TMEM132D: variants seen among roughly 807,000 people sequenced by gnomAD.
TMEM132D encodes transmembrane protein 132D, also known as mature OL transmembrane protein.
TMEM132D carries 21 observed loss-of-function variants against 62.3 expected under a neutral mutation model. The observed-to-expected ratio is 0.34, with a 90% CI of 0.24 to 0.49. TMEM132D has a LOEUF of 0.49. TMEM132D is among the 20% of genes least tolerant of loss of function. TMEM132D has a pLI of 0.99. For synonymous variants in TMEM132D, 621 were observed against 575.6 expected (o/e 1.08, Z -1.13); for missense variants, 1,346 against 1,402.8 (o/e 0.96, Z 0.65).
intron 2 of TMEM132D, among the ~76,000 whole-genome samples, chr12:129,610,048 T>A (rs1333631906): frequency 6.6e-6 from 1 of 152,088 alleles, no homozygotes; most frequent in African/African-American, 2.4e-5. Flanking sequence ...GGCAGGAGAA[T>A]CATCTGAGGT....
rs907461232 is a variant in TMEM132D, at chr12:129,699,977, G to T, written c.801C>A (p.Ile267=). The part of the protein sequence containing the change: ...IDESGPPLQR[I]GSIFLYQTHR... Reference sequence around the variant, plus strand: ...GTGTCTGATAAAGGAAGATGCTCCCGATCCTCTGCAAGGGGGGCCCGGACT... The same window carrying T: ...GTGTCTGATAAAGGAAGATGCTCCCTATCCTCTGCAAGGGGGGCCCGGACT... The change falls in exon 2 of 9, where the codon ATC becomes ATA. Residue 267 remains isoleucine (I), a synonymous_variant. Coordinates refer to ENST00000422113, the MANE Select transcript of TMEM132D (RefSeq NM_133448.3). 6.2e-7 allele frequency: 1 copy of T among 1,614,092 alleles called. No homozygotes were observed. Among genetic ancestry groups the T allele is most frequent in the Non-Finnish European group, 8.5e-7 (1 of 1,180,034 alleles).
At chr12:129,353,104 TC>T (rs1869922638) in intron 3 of TMEM132D, among the ~76,000 whole-genome samples, 2 of 79,684 alleles carry the variant, frequency 2.5e-5, no homozygotes, top group Non-Finnish European at 5.1e-5. Context: ...CCTCCCTCCC[TC>T]CCTGCCTCCC....
chr12:129,087,924 CCGGGT>C (rs1238291145), intron 5 of TMEM132D, among the ~76,000 whole-genome samples: 1 of 108,950 alleles, frequency 9.2e-6, no homozygotes, highest in Non-Finnish European at 1.9e-5. Flanking sequence ...TCCTCCCTGA[CCGGGT>C]GTCCTCCATG....
chr12:129,839,558 C>A (rs1245206760), intron 1 of TMEM132D, among the ~76,000 whole-genome samples: 1 of 152,118 alleles, frequency 6.6e-6, no homozygotes, highest in African/African-American at 2.4e-5. Flanking sequence ...CCACTGTGCC[C>A]GGCCTTAAAC....
intron 5 of TMEM132D, among the ~76,000 whole-genome samples, chr12:129,106,589 G>C (rs1276286847): frequency 1.3e-5 from 2 of 152,124 alleles, no homozygotes; most frequent in Non-Finnish European, 2.9e-5. Flanking sequence ...CACCATACCT[G>C]AAAGACGTTT....
At chr12:129,468,197 G>C (rs1195073194) in intron 3 of TMEM132D, among the ~76,000 whole-genome samples, 2 of 151,940 alleles carry the variant, frequency 1.3e-5, no homozygotes, top group African/African-American at 2.4e-5. Flanking sequence ...GTGTGTGTGT[G>C]TGTGTGTTTT....
At chr12:129,456,061 G>A (rs1873455443) in intron 3 of TMEM132D, among the ~76,000 whole-genome samples, 1 of 152,094 alleles carries the variant, frequency 6.6e-6, no homozygotes, top group Non-Finnish European at 1.5e-5. Flanking sequence ...CATGTGACCG[G>A]GTGGATGGGC....
chr12:129,184,223 C>A (rs1009133495), intron 5 of TMEM132D, among the ~76,000 whole-genome samples: 2 of 152,102 alleles, frequency 1.3e-5, no homozygotes, highest in Non-Finnish European at 1.5e-5. Flanking sequence ...GCCATGCAGG[C>A]GGAGGGGCAT....
chr12:129,802,734 A>G (rs1871838446), intron 1 of TMEM132D, among the ~76,000 whole-genome samples: 1 of 151,622 alleles, frequency 6.6e-6, no homozygotes, highest in African/African-American at 2.4e-5. Context: ...ATTAAAAGAC[A>G]TAGACTGGCA....
chr12:129,161,961 A>T lies in TMEM132D; in HGVS notation c.1443+47559T>A, dbSNP rs138817708. ...GCAGGTCTGTGCTTGCAGACCTGTGACTCTTGCTTAGCACAAAGCCCTGAC... is the reference window on the plus strand; with the variant it reads ...GCAGGTCTGTGCTTGCAGACCTGTGTCTCTTGCTTAGCACAAAGCCCTGAC... On this transcript the variant is annotated intron_variant, in intron 5 of 8. Transcript: ENST00000422113. Among the ~76,000 whole-genome samples the T allele has an allele frequency of 3.0e-3, 453 of 151,576 alleles. 4 individuals carry two copies. The highest frequency in any genetic ancestry group is 0.011 in the African/African-American group (439 of 41,288).
At chr12:129,351,906 G>T (rs1484436777) in intron 3 of TMEM132D, among the ~76,000 whole-genome samples, 1 of 152,124 alleles carries the variant, frequency 6.6e-6, no homozygotes, top group Non-Finnish European at 1.5e-5. Context: ...TACCCTGAAT[G>T]CAAGACACCC....
chr12:129,802,656 T>C (rs1273973467), intron 1 of TMEM132D, among the ~76,000 whole-genome samples: 1 of 141,560 alleles, frequency 7.1e-6, no homozygotes, highest in Non-Finnish European at 1.5e-5. Context: ...CCAGCTAACA[T>C]CATAATGACA....
At chr12:129,874,185 T>G (rs764515172) in intron 1 of TMEM132D, among the ~76,000 whole-genome samples, 5 of 152,176 alleles carry the variant, frequency 3.3e-5, no homozygotes, top group Admixed American at 6.5e-5. Context: ...GATAAATATG[T>G]GAGGTAATGC....
At chr12:129,854,072 C>T (rs1873634416) in intron 1 of TMEM132D, among the ~76,000 whole-genome samples, 1 of 152,130 alleles carries the variant, frequency 6.6e-6, no homozygotes, top group Non-Finnish European at 1.5e-5. Context: ...CTACTAATGC[C>T]CATGGCAGTC....
intron 1 of TMEM132D, among the ~76,000 whole-genome samples, chr12:129,729,099 C>CA (rs1869133374): frequency 6.6e-6 from 1 of 152,152 alleles, no homozygotes; most frequent in South Asian, 2.1e-4. Context: ...TTCCATATTG[C>CA]AAAAATCAAC....
chr12:129,376,495 C>A (rs1870784381), intron 3 of TMEM132D, among the ~76,000 whole-genome samples: 1 of 152,146 alleles, frequency 6.6e-6, no homozygotes, highest in South Asian at 2.1e-4. Context: ...AACCAGGTAC[C>A]TCTCACGACA....
At position 129,354,354 on chromosome 12, in the gene TMEM132D, C is replaced by T. The variant is rs533646934; in HGVS notation, c.1116-16537G>A. On this transcript the variant is annotated intron_variant, in intron 3 of 8. Coordinates refer to ENST00000422113, the MANE Select transcript of TMEM132D (RefSeq NM_133448.3). ...ATATACATATTTTGAGTCAGAGTCTCGCTCCGTCACGCAGGCTGGAGTGCA... is the reference window on the plus strand; with the variant it reads ...ATATACATATTTTGAGTCAGAGTCTTGCTCCGTCACGCAGGCTGGAGTGCA... Among the ~76,000 whole-genome samples, 81 of 148,988 alleles carry T rather than the reference C, an allele frequency of 5.4e-4. 1 individual carries two copies. The Middle Eastern group carries it at 0.014, about 25-fold the overall frequency.
At chr12:129,162,387 T>A (rs1452495309) in intron 5 of TMEM132D, among the ~76,000 whole-genome samples, 3 of 152,136 alleles carry the variant, frequency 2.0e-5, no homozygotes, top group African/African-American at 4.8e-5. Flanking sequence ...AAAATAAATG[T>A]CTGTTGTTTA....
At chr12:129,101,542 G>A (rs1242574541) in intron 5 of TMEM132D, among the ~76,000 whole-genome samples, 3 of 152,112 alleles carry the variant, frequency 2.0e-5, no homozygotes, top group Non-Finnish European at 4.4e-5. Flanking sequence ...CAGCATTCCA[G>A]GTTAAAACAC....
Sources: gnomAD v4.1 joint callset for allele counts (sites outside exome capture counted in the v4.1 genomes callset) on GRCh38, gnomAD v4.1.1 for gene constraint, MANE v1.5 for transcripts, NCBI Gene and HGNC (gene_info 2026-07-23, HGNC 2026-07-21) for gene names.